PPP2R5E: variants seen among roughly 807,000 people sequenced by gnomAD.
PPP2R5E encodes the protein protein phosphatase 2 regulatory subunit B'epsilon.
In PPP2R5E, 4 loss-of-function variants were observed where a neutral mutation model predicts 65.3. That is an observed-to-expected ratio of 0.06 (90% CI 0.03 to 0.14). PPP2R5E has a LOEUF of 0.14. Among genes scored for constraint, PPP2R5E ranks in the 10% least tolerant of loss-of-function variants. The pLI is 1.00. For synonymous variants in PPP2R5E, 183 were observed against 187.4 expected, an observed-to-expected ratio of 0.98 and a Z score of 0.19; for missense variants, 274 against 556.1, an observed-to-expected ratio of 0.49 and a Z score of 5.10.
At chr14:63,534,971 G>A (rs966255279) in intron 2 of PPP2R5E, among the ~76,000 whole-genome samples, 1 of 152,100 alleles carries the variant, frequency 6.6e-6, no homozygotes, top group Admixed American at 6.6e-5. Flanking sequence ...ATATAAAGAT[G>A]GAGAAAATGT....
intron 2 of PPP2R5E, among the ~76,000 whole-genome samples, chr14:63,471,166 C>T (rs374684582): frequency 8.5e-5 from 13 of 152,224 alleles, no homozygotes; most frequent in African/African-American, 3.1e-4. Context: ...CATAAAAATG[C>T]GTAAGTTTCA....
intron 5 of PPP2R5E, among the ~76,000 whole-genome samples, chr14:63,403,235 T>C (rs1221213936): frequency 2.0e-5 from 3 of 151,800 alleles, no homozygotes; most frequent in Non-Finnish European, 4.4e-5. Flanking sequence ...GAGACCAACA[T>C]GGGCTAACAT....
chr14:63,441,271 C>T (rs956716950), intron 3 of PPP2R5E, among the ~76,000 whole-genome samples: 6 of 152,172 alleles, frequency 3.9e-5, no homozygotes, highest in African/African-American at 9.7e-5. Flanking sequence ...AAGTCTAAAT[C>T]GTGTAACTTT....
At chr14:63,495,417 C>CAAAA (rs772700927) in intron 2 of PPP2R5E, among the ~76,000 whole-genome samples, 7 of 93,240 alleles carry the variant, frequency 7.5e-5, no homozygotes, top group African/African-American at 2.2e-4. Flanking sequence ...ACTAAAAATA[C>CAAAA]AAAAAAAAAA....
rs17825057 is a variant in PPP2R5E at position 63,458,486 on chromosome 14, G to A, written c.158-4601C>T. Among the ~76,000 whole-genome samples the A allele has an allele frequency of 8.0e-3, 1,223 of 152,246 alleles. 44 individuals are homozygous for A. In the East Asian group the frequency reaches 0.11, roughly 14 times the overall value. The stretch of plus-strand genomic sequence containing the variant: ...CTTGAGTTTGGTACTCTGGGACTCC[G>A]ATCAACAAAAGTTGTTAAAAATCAG... On this transcript the variant is annotated intron_variant, in intron 2 of 13. Transcript: ENST00000337537.
chr14:63,457,983 T>A (rs1889224679), intron 2 of PPP2R5E, among the ~76,000 whole-genome samples: 1 of 152,190 alleles, frequency 6.6e-6, no homozygotes, highest in Non-Finnish European at 1.5e-5. Context: ...CTCCCCCTTA[T>A]GTCTTTATAT....
chr14:63,381,699 T>A (rs1884372439), intron 13 of PPP2R5E, among the ~76,000 whole-genome samples: 1 of 152,160 alleles, frequency 6.6e-6, no homozygotes, highest in Non-Finnish European at 1.5e-5. Context: ...GGTGGTCCCA[T>A]AAAATTTTAA....
At chr14:63,523,011 C>T (rs1208213083) in intron 2 of PPP2R5E, among the ~76,000 whole-genome samples, 2 of 148,182 alleles carry the variant, frequency 1.3e-5, no homozygotes, top group African/African-American at 5.0e-5. Context: ...GTGAGGGGCG[C>T]CTCTGCCCGG....
rs554833613 is a variant in PPP2R5E at position 63,425,803 on chromosome 14, T to C, written c.355-3709A>G. On this transcript the variant is annotated intron_variant, in intron 3 of 13. Transcript: ENST00000337537. ...CAAACTTCAACATTTTCTTGGTGAC[T>C]TGAATAAATTTAAGTTATTTCTAAG... Among the ~76,000 whole-genome samples, 33 of 152,372 alleles carry C rather than the reference T, an allele frequency of 2.2e-4. No homozygotes were observed. The East Asian group carries it at 4.6e-3, about 21-fold the overall frequency.
intron 2 of PPP2R5E, among the ~76,000 whole-genome samples, chr14:63,486,622 T>C (rs1390779189): frequency 6.6e-6 from 1 of 152,024 alleles, no homozygotes; most frequent in Non-Finnish European, 1.5e-5. Context: ...TGGTCCACAG[T>C]ACTCCACTGT....
rs111662375 is a variant in PPP2R5E at position 63,399,936 on chromosome 14, A to G, written c.550-3220T>C. 6.8e-3 allele frequency among the ~76,000 whole-genome samples: 1,030 copies of G among 152,320 alleles called. 10 individuals are homozygous for G. Among genetic ancestry groups the G allele is most frequent in the Non-Finnish European group, 0.01 (695 of 68,024 alleles). On this transcript the variant is annotated intron_variant, in intron 5 of 13. Transcript: ENST00000337537. ...ACAGCAGAATAAAAACCTCATGGTC[A>G]ATAATCGAATGTGCTTTTGTTCGGT...
intron 2 of PPP2R5E, among the ~76,000 whole-genome samples, chr14:63,530,022 TC>T (rs374967006): frequency 2.2e-4 from 33 of 152,232 alleles, no homozygotes; most frequent in Middle Eastern, 3.4e-3. Flanking sequence ...AGCCAAAAAC[TC>T]TTAACTATAG....
intron 2 of PPP2R5E, among the ~76,000 whole-genome samples, chr14:63,534,175 G>A (rs1175930458): frequency 6.6e-6 from 1 of 152,144 alleles, no homozygotes; most frequent in Non-Finnish European, 1.5e-5. Context: ...GTGTGTGTTT[G>A]TGTGTTTGCC....
intron 3 of PPP2R5E, among the ~76,000 whole-genome samples, chr14:63,448,284 G>A (rs568739753): frequency 9.3e-5 from 14 of 151,104 alleles, no homozygotes; most frequent in East Asian, 4.0e-4. Context: ...GCGACAGAGC[G>A]GGACTCCATC....
rs1267077499 is a variant in PPP2R5E at position 63,375,659 on chromosome 14, T to C, written c.*350A>G. The C allele has an allele frequency of 1.2e-5, 2 of 163,486 alleles. No homozygotes were observed. Among genetic ancestry groups the C allele is most frequent in the African/African-American group, 4.8e-5 (2 of 41,966 alleles). The allele number at this position is 163,486 out of a possible 1,614,324, so 10.1% of individuals were successfully genotyped here. A position where few individuals can be genotyped will look rare whatever the true frequency, so the allele number is the denominator to read the frequency against. On this transcript the variant is annotated 3_prime_UTR_variant, in exon 14 of 14. Transcript: ENST00000337537. The stretch of plus-strand genomic sequence containing the variant: ...ATTTAAGATTGTTCACATTTGAAAA[T>C]TGTATCATACTCTCTGCTAGTGATA...
At chr14:63,390,533 G>T (rs1373692850) in intron 10 of PPP2R5E, among the ~76,000 whole-genome samples, 1 of 152,130 alleles carries the variant, frequency 6.6e-6, no homozygotes, top group Middle Eastern at 3.2e-3. Flanking sequence ...AAAATAAAGT[G>T]AGCAATCAAA....
chr14:63,471,657 T>C (rs996544464), intron 2 of PPP2R5E, among the ~76,000 whole-genome samples: 32 of 152,170 alleles, frequency 2.1e-4, no homozygotes, highest in African/African-American at 7.7e-4. Flanking sequence ...CATATAAAAA[T>C]TGGCCCAAAG....
chr14:63,405,888 A>G (rs1386195857), intron 5 of PPP2R5E, among the ~76,000 whole-genome samples: 1 of 152,208 alleles, frequency 6.6e-6, no homozygotes, highest in African/African-American at 2.4e-5. Flanking sequence ...TCTGAAATCA[A>G]CATTACCACA....
chr14:63,423,442 T>G (rs1188427051), intron 3 of PPP2R5E, among the ~76,000 whole-genome samples: 1 of 152,186 alleles, frequency 6.6e-6, no homozygotes, highest in Non-Finnish European at 1.5e-5. Context: ...TAAATGTTGT[T>G]GGTACTAGTC....
Sources: allele counts gnomAD v4.1 joint callset (sites outside exome capture counted in the v4.1 genomes callset), GRCh38; gene constraint gnomAD v4.1.1; transcripts MANE v1.5; gene names NCBI Gene and HGNC (gene_info 2026-07-23, HGNC 2026-07-21).